The following CDH13 variants were observed in gnomAD, a reference collection of about 807,000 sequenced individuals.
CDH13 encodes the protein cadherin-13.
CDH13 carries 24 observed loss-of-function variants against 63.8 expected under a neutral mutation model. The observed-to-expected ratio is 0.38, with a 90% CI of 0.27 to 0.53. The LOEUF is 0.53. CDH13 is among the 20% of genes least tolerant of loss of function. CDH13 has a pLI of 0.85. For missense variants in CDH13, 1,049 were observed against 903.1 expected, an observed-to-expected ratio of 1.16 and a Z score of -2.07; for synonymous variants, 503 against 355.3, an observed-to-expected ratio of 1.42 and a Z score of -4.67.
intron 1 of CDH13, among the ~76,000 whole-genome samples, chr16:82,797,807 G>GTGTGTGTGTA (rs147687670): frequency 5.3e-5 from 8 of 150,304 alleles, no homozygotes; most frequent in East Asian, 4.0e-4. Context: ...GTGTGTGTGT[G>GTGTGTGTGTA]TATACATGTG....
In CDH13 at chr16:82,644,895, G is replaced by C. The variant is rs1159703726; in HGVS notation, c.45+17758G>C. 1.3e-5 allele frequency among the ~76,000 whole-genome samples: 2 copies of C among 152,112 alleles called. No homozygotes were observed. Among genetic ancestry groups the C allele is most frequent in the Non-Finnish European group, 2.9e-5 (2 of 68,004 alleles). On this transcript the variant is annotated intron_variant, in intron 1 of 13. Transcript: ENST00000567109. The surrounding 1 kb of genome is among the most constrained non-coding windows in gnomAD (Gnocchi z 5.7). ...CTGGTTCCATGGGAGGTTAATATGG[G>C]TTCTGGGGAAAAAAAATTAGGGGAA...
chr16:83,563,869 A>G (rs1237604032), intron 7 of CDH13, among the ~76,000 whole-genome samples: 1 of 152,108 alleles, frequency 6.6e-6, no homozygotes, highest in Non-Finnish European at 1.5e-5. Flanking sequence ...CTGAAGTGGG[A>G]TGGGTCGTTT....
At chr16:82,832,826 T>G (rs952107864) in intron 1 of CDH13, among the ~76,000 whole-genome samples, 11 of 152,220 alleles carry the variant, frequency 7.2e-5, no homozygotes, top group Non-Finnish European at 1.2e-4. Context: ...TGACAATCGT[T>G]GAAATAGTAT....
At chr16:83,283,531 C>T (rs548464079) in intron 5 of CDH13, among the ~76,000 whole-genome samples, 1 of 152,308 alleles carries the variant, frequency 6.6e-6, no homozygotes, top group Non-Finnish European at 1.5e-5. Context: ...GTGGAGTTTG[C>T]AGTGAGCCAA....
intron 7 of CDH13, among the ~76,000 whole-genome samples, chr16:83,528,065 G>A (rs564354139): frequency 1.3e-5 from 2 of 152,086 alleles, no homozygotes; most frequent in Non-Finnish European, 2.9e-5. Context: ...CCAGAAGTGG[G>A]CCCCCTACAC....
chr16:83,587,513 C>T (rs1001667126), intron 7 of CDH13, among the ~76,000 whole-genome samples: 3 of 152,108 alleles, frequency 2.0e-5, no homozygotes, highest in African/African-American at 7.2e-5. Context: ...CACAGCAGAA[C>T]GCAATTTTTA....
intron 2 of CDH13, among the ~76,000 whole-genome samples, chr16:82,885,706 C>G (rs906178688): frequency 2.6e-5 from 4 of 152,134 alleles, no homozygotes; most frequent in South Asian, 2.1e-4. Context: ...GTTACAAGCA[C>G]AAGATCTTCA....
chr16:82,639,582 C>A, intron 1 of CDH13: 6 of 679,644 alleles, frequency 8.8e-6, no homozygotes, highest in Non-Finnish European at 1.3e-5. Context: ...ATTCTTTCCC[C>A]AAACAAAAAG....
intron 1 of CDH13, among the ~76,000 whole-genome samples, chr16:82,754,036 C>T (rs1474960334): frequency 1.4e-4 from 22 of 152,212 alleles, no homozygotes; most frequent in Admixed American, 6.5e-5. Context: ...TTAGTGCTCA[C>T]GCTTCTGGAA....
rs146080978 is a variant in CDH13, at chr16:82,914,317, G to A, written c.157+55844G>A. Among the ~76,000 whole-genome samples the A allele has an allele frequency of 2.3e-3, 348 of 152,114 alleles. 1 individual carries two copies. The highest frequency in any genetic ancestry group is 8.1e-3 in the African/African-American group (335 of 41,500). ...TGTGTCCTATAAACTATCATAACCCGTATAGTCTTCATAAAGATGCCTTCA... is the reference window on the plus strand; with the variant it reads ...TGTGTCCTATAAACTATCATAACCCATATAGTCTTCATAAAGATGCCTTCA... On this transcript the variant is annotated intron_variant, in intron 2 of 13. Transcript: ENST00000567109.
chr16:83,373,160 G>A (rs369929706), intron 6 of CDH13, among the ~76,000 whole-genome samples: 18 of 152,258 alleles, frequency 1.2e-4, no homozygotes, highest in African/African-American at 2.2e-4. Flanking sequence ...TATTGAAAAC[G>A]TTTGCCGTGC....
At chr16:83,770,959 T>C (rs1438931986) in intron 11 of CDH13, among the ~76,000 whole-genome samples, 2 of 152,188 alleles carry the variant, frequency 1.3e-5, no homozygotes, top group Non-Finnish European at 2.9e-5. Flanking sequence ...CTATTCAAGA[T>C]GGAGTTGCTC....
At chr16:82,748,736 A>G (rs952128906) in intron 1 of CDH13, among the ~76,000 whole-genome samples, 2 of 152,212 alleles carry the variant, frequency 1.3e-5, no homozygotes, top group Non-Finnish European at 2.9e-5. Flanking sequence ...TAGAAGCCCA[A>G]GAGTACTAGA....
At chr16:83,338,653 T>A (rs1055477829) in intron 5 of CDH13, among the ~76,000 whole-genome samples, 6 of 152,238 alleles carry the variant, frequency 3.9e-5, no homozygotes, top group South Asian at 4.1e-4. Context: ...AGGGAGGCTC[T>A]TCTTGATATT....
At chr16:83,711,743 C>A (rs1425200176) in intron 10 of CDH13, among the ~76,000 whole-genome samples, 4 of 152,160 alleles carry the variant, frequency 2.6e-5, no homozygotes, top group African/African-American at 9.7e-5. Flanking sequence ...TCTCGAACTC[C>A]TGACCTTAAA....
At chr16:82,858,697 G>A in intron 2 of CDH13, 1 of 608,316 alleles carries the variant, frequency 1.6e-6, no homozygotes, top group Non-Finnish European at 2.9e-6. Context: ...ATCATCAGTG[G>A]GTATCTCCAT....
At chr16:83,663,766 T>G (rs1667167272) in intron 8 of CDH13, among the ~76,000 whole-genome samples, 1 of 152,156 alleles carries the variant, frequency 6.6e-6, no homozygotes, top group Admixed American at 6.5e-5. Context: ...TTTCTTTCTT[T>G]CCTGTGTGAG....
chr16:82,650,108 T>C (rs1345661408), intron 1 of CDH13, among the ~76,000 whole-genome samples: 1 of 152,192 alleles, frequency 6.6e-6, no homozygotes, highest in Non-Finnish European at 1.5e-5. Flanking sequence ...AACATTGCTC[T>C]ACCTGCAAGT....
intron 2 of CDH13, among the ~76,000 whole-genome samples, chr16:82,968,322 C>G (rs1908165931): frequency 6.6e-6 from 1 of 152,150 alleles, no homozygotes; most frequent in Non-Finnish European, 1.5e-5. Context: ...GTCCTGAATC[C>G]TTTATCTAGA....
Sources: gnomAD v4.1 joint callset for allele counts (sites outside exome capture counted in the v4.1 genomes callset) on GRCh38, gnomAD v4.1.1 for gene constraint, Gnocchi (gnomAD v3.1) non-coding constraint, MANE v1.5 for transcripts, NCBI Gene and HGNC (gene_info 2026-07-23, HGNC 2026-07-21) for gene names.